GARS1: variants seen among roughly 807,000 people sequenced by gnomAD.
The protein encoded by GARS1 is glycine--tRNA ligase.
Under a neutral mutation model 86.4 loss-of-function variants are expected in GARS1, and 46 were observed. The ratio of observed to expected loss-of-function variants is 0.53; its 90% confidence interval spans 0.42 to 0.68. GARS1 has a LOEUF of 0.68. Ranked by LOEUF, GARS1 falls within the 30% of genes least tolerant of loss-of-function variation. The pLI, the probability that GARS1 is intolerant of heterozygous loss-of-function variation, is 0.00. For synonymous variants in GARS1, 342 were observed against 329.8 expected (o/e 1.04, Z -0.40); for missense variants, 797 against 915.6 (o/e 0.87, Z 1.67).
At chr7:30,625,196 G>C (rs527946245) in intron 12 of GARS1, among the ~76,000 whole-genome samples, 1 of 152,240 alleles carries the variant, frequency 6.6e-6, no homozygotes, top group South Asian at 2.1e-4. Context: ...CACCTACCTT[G>C]ACCTCCCAAA....
chr7:30,620,962 T>G (rs190346812), intron 10 of GARS1, among the ~76,000 whole-genome samples: 13 of 152,318 alleles, frequency 8.5e-5, no homozygotes, highest in Non-Finnish European at 1.3e-4. Context: ...CAGAATATGT[T>G]AGTTTACCCC....
chr7:30,598,746 T>A, intron 1 of GARS1, 50 bp from the exon 2 acceptor site: 1 of 1,471,294 alleles, frequency 6.8e-7, no homozygotes, highest in Non-Finnish European at 9.5e-7. Flanking sequence ...TTCCTAACAT[T>A]TCTTAACTTC....
intron 9 of GARS1, among the ~76,000 whole-genome samples, chr7:30,616,666 T>G (rs1782896177): frequency 6.6e-6 from 1 of 152,182 alleles, no homozygotes; most frequent in Non-Finnish European, 1.5e-5. Flanking sequence ...CTAAGGTCCT[T>G]GCAAACACTA....
At chr7:30,601,475 A>C (rs897211893) in intron 4 of GARS1, among the ~76,000 whole-genome samples, 2 of 152,188 alleles carry the variant, frequency 1.3e-5, no homozygotes, top group Non-Finnish European at 2.9e-5. Flanking sequence ...ATTGATGAAC[A>C]TATACTCATA....
Position 30,598,856 on chromosome 7 carries a change from G to T in GARS1, c.283G>T (p.Val95Leu), listed in dbSNP as rs751597051. The change falls in exon 2 of 17, where the codon GTG becomes TTG. Residue 95 changes from valine to leucine, a missense_variant. This residue lies in a region of GARS1 where 199 missense variants were observed against 176.9 expected (regional missense o/e 1.12). Coordinates refer to ENST00000389266, the MANE Select transcript of GARS1 (RefSeq NM_002047.4). ...ACCCCAAGTAGACGTAGACAAAGCA[G>T]TGGCTGAGCTCAAAGCCCGCAAGAG... ...KAPQVDVDKAVAELKARKRVL... is the reference protein window; with the variant it reads ...KAPQVDVDKALAELKARKRVL... The T allele has an allele frequency of 1.2e-6, 2 of 1,614,212 alleles. No homozygotes were observed. The highest frequency in any genetic ancestry group is 2.2e-5 in the South Asian group (2 of 91,080).
In GARS1 at chr7:30,621,382, T is replaced by C; in HGVS notation, c.1360-11T>C. The C allele has an allele frequency of 6.2e-7, 1 of 1,610,618 alleles. No homozygotes were observed. The highest frequency in any genetic ancestry group is 2.2e-5 in the East Asian group (1 of 44,876). On this transcript the variant is annotated splice_polypyrimidine_tract_variant and intron_variant, in intron 10 of 16. Transcript: ENST00000389266. Reference sequence around the variant, plus strand: ...AAGTAAGTAATGTTTTTATTGATTATATCTTTTTAGGGTTGGATTGAGATT... The same window carrying C: ...AAGTAAGTAATGTTTTTATTGATTACATCTTTTTAGGGTTGGATTGAGATT...
Position 30,634,002 on chromosome 7 carries a change from C to T in GARS1, c.*142C>T, listed in dbSNP as rs558352336. 1 of 1,011,752 alleles carries T rather than the reference C, an allele frequency of 9.9e-7. No homozygotes were observed. The highest frequency in any genetic ancestry group is 1.6e-5 in the African/African-American group (1 of 61,082). 62.7% of individuals were successfully genotyped at this position (1,011,752 alleles called of 1,614,324 possible). A position where few individuals can be genotyped will look rare whatever the true frequency, so the allele number is the denominator to read the frequency against. ...CTTCAGTGGCTGCCTGATTTTACCCCCACAATTAAAGTTGAAGGAATCCTG... is the reference window on the plus strand; with the variant it reads ...CTTCAGTGGCTGCCTGATTTTACCCTCACAATTAAAGTTGAAGGAATCCTG... On this transcript the variant is annotated 3_prime_UTR_variant, in exon 17 of 17. Transcript: ENST00000389266.
At position 30,603,476 on chromosome 7, in the gene GARS1, T is replaced by C; in HGVS notation, c.659-20T>C. ...GTCCTTTTTCCCATTGATTGATATA[T>C]GTCAACACTGTTCTTACAGCTCATT... On this transcript the variant is annotated intron_variant, in intron 5 of 16. Transcript: ENST00000389266. 11 of 1,595,236 alleles carry C rather than the reference T, an allele frequency of 6.9e-6. No homozygotes were observed. Among genetic ancestry groups the C allele is most frequent in the Non-Finnish European group, 9.5e-6 (11 of 1,163,542 alleles).
At chr7:30,631,648 T>C in intron 15 of GARS1, 107 bp downstream of exon 15, 2 of 777,296 alleles carry the variant, frequency 2.6e-6, no homozygotes, top group Non-Finnish European at 4.5e-6. Flanking sequence ...ATAAAGAATA[T>C]AAATGATTTT....
chr7:30,603,794 T>G (rs1033801196), intron 6 of GARS1, among the ~76,000 whole-genome samples: 1 of 152,232 alleles, frequency 6.6e-6, no homozygotes, highest in Non-Finnish European at 1.5e-5. Context: ...TCCGTGTTAA[T>G]AGGCATTCAA....
intron 8 of GARS1, among the ~76,000 whole-genome samples, chr7:30,615,003 T>G (rs868717734): frequency 2.2e-4 from 34 of 152,372 alleles, no homozygotes; most frequent in South Asian, 1.0e-3. Flanking sequence ...AATGTGATTT[T>G]TCTTGAAAGA....
At chr7:30,631,817 C>T (rs758956431) in intron 15 of GARS1, 15 of 393,818 alleles carry the variant, frequency 3.8e-5, no homozygotes, top group African/African-American at 1.2e-4. Context: ...CCAAGTTCAT[C>T]GAGGGAACCT....
intron 7 of GARS1, among the ~76,000 whole-genome samples, chr7:30,610,992 G>A (rs1791588249): frequency 6.6e-6 from 1 of 152,206 alleles, no homozygotes; most frequent in Admixed American, 6.5e-5. Context: ...GAGTTGGTCT[G>A]TTAAGTAAGA....
chr7:30,595,095 G>C lies in GARS1; in HGVS notation c.174G>C (p.Ala58=). The C allele has an allele frequency of 6.5e-7, 1 of 1,543,212 alleles. No homozygotes were observed. The highest frequency in any genetic ancestry group is 1.2e-5 in the South Asian group (1 of 84,728). ...CCTCCCGGAGCAGCATGGACGGCGC[G>C]GGGGCTGAGGAGGTGCTGGCACCTC... ...AAASRSSMDG[A]GAEEVLAPLR... Residue 58 remains alanine, a synonymous_variant, in exon 1 of 17, where the codon GCG becomes GCC. Coordinates refer to ENST00000389266, the MANE Select transcript of GARS1 (RefSeq NM_002047.4).
intron 2 of GARS1, among the ~76,000 whole-genome samples, chr7:30,599,483 A>G (rs1271797907): frequency 6.6e-6 from 1 of 151,862 alleles, no homozygotes; most frequent in South Asian, 2.1e-4. Context: ...GCTCACTGCA[A>G]CCTCTGCCTC....
intron 4 of GARS1, 67 bp downstream of exon 4, chr7:30,601,267 T>C: frequency 7.7e-7 from 1 of 1,293,628 alleles, no homozygotes; most frequent in South Asian, 1.4e-5. Context: ...TTATTTAATA[T>C]ACTTATCTAA....
At chr7:30,633,031 C>T (rs969362241) in intron 16 of GARS1, among the ~76,000 whole-genome samples, 16 of 152,168 alleles carry the variant, frequency 1.1e-4, no homozygotes, top group Non-Finnish European at 2.1e-4. Flanking sequence ...TAGCTTGATA[C>T]AGAAGTAATA....
chr7:30,597,272 A>G (rs770916720), intron 1 of GARS1, among the ~76,000 whole-genome samples: 1 of 152,218 alleles, frequency 6.6e-6, no homozygotes, highest in Non-Finnish European at 1.5e-5. Flanking sequence ...GGTATTGGTG[A>G]AAGAGCCATT....
intron 10 of GARS1, among the ~76,000 whole-genome samples, chr7:30,618,448 A>G (rs1782932041): frequency 6.6e-6 from 1 of 152,208 alleles, no homozygotes; most frequent in Non-Finnish European, 1.5e-5. Context: ...AGCCTGGGCA[A>G]CATAGCAAGA....
Sources: gnomAD v4.1 joint callset for allele counts (sites outside exome capture counted in the v4.1 genomes callset) on GRCh38, gnomAD v4.1.1 for gene constraint, gnomAD v4.1.1 regional missense constraint, MANE v1.5 for transcripts, NCBI Gene and HGNC (gene_info 2026-07-23, HGNC 2026-07-21) for gene names.